RPS6KC1: variants seen among roughly 807,000 people sequenced by gnomAD.
RPS6KC1 encodes inactive ribosomal protein S6 kinase delta-1.
A neutral mutation model predicts 103.8 loss-of-function variants in RPS6KC1; 54 were observed. That is an observed-to-expected ratio of 0.52 (90% CI 0.42 to 0.65). The LOEUF is 0.65. Ranked by LOEUF, RPS6KC1 falls within the 30% of genes least tolerant of loss-of-function variation. The pLI, the probability that RPS6KC1 is intolerant of heterozygous loss-of-function variation, is 0.00. For synonymous variants in RPS6KC1, 439 were observed against 438.7 expected, an observed-to-expected ratio of 1.00 and a Z score of -0.01; for missense variants, 1,151 against 1,253.8, an observed-to-expected ratio of 0.92 and a Z score of 1.24.
chr1:213,685,026 C>T, the RPS6KC1 span, among the ~76,000 whole-genome samples: 1 of 152,162 alleles, frequency 6.6e-6, no homozygotes, highest in African/African-American at 2.4e-5. Context: ...AACTAATTCA[C>T]CCCACCCTCT....
At chr1:213,086,861 T>C (rs902306571) in intron 3 of RPS6KC1, among the ~76,000 whole-genome samples, 7 of 152,180 alleles carry the variant, frequency 4.6e-5, no homozygotes, top group Non-Finnish European at 1.0e-4. Flanking sequence ...TAGATATACA[T>C]ATATTTTAGA....
chr1:213,551,283 C>T, the RPS6KC1 span, among the ~76,000 whole-genome samples: 3 of 152,152 alleles, frequency 2.0e-5, no homozygotes, highest in Admixed American at 2.0e-4. Flanking sequence ...CTGGCAAGGA[C>T]ATAGGCTGTT....
At chr1:213,092,904 T>C (rs1424148947) in intron 3 of RPS6KC1, among the ~76,000 whole-genome samples, 1 of 152,162 alleles carries the variant, frequency 6.6e-6, no homozygotes, top group Admixed American at 6.5e-5. Flanking sequence ...ATTTAACACA[T>C]TTATCTTTAA....
At chr1:213,548,614 T>A in the RPS6KC1 span, among the ~76,000 whole-genome samples, 3 of 152,132 alleles carry the variant, frequency 2.0e-5, no homozygotes, top group Non-Finnish European at 4.4e-5. Flanking sequence ...TCAGCCTAGA[T>A]CGTGCCACTG....
chr1:213,193,167 T>C (rs917029232), intron 8 of RPS6KC1, among the ~76,000 whole-genome samples: 3 of 152,200 alleles, frequency 2.0e-5, no homozygotes, highest in African/African-American at 7.2e-5. Context: ...AAGAATGTAT[T>C]TTCTATAGCC....
At chr1:213,059,765 C>T (rs1366296057) in intron 1 of RPS6KC1, among the ~76,000 whole-genome samples, 14 of 152,158 alleles carry the variant, frequency 9.2e-5, no homozygotes, top group African/African-American at 3.1e-4. Context: ...CTCTGCCTCC[C>T]GGGTTCAAGC....
At chr1:213,451,365 A>T in the RPS6KC1 span, among the ~76,000 whole-genome samples, 1 of 152,214 alleles carries the variant, frequency 6.6e-6, no homozygotes. Context: ...TTAAGCAAAG[A>T]TTCCTGGTAG....
downstream of RPS6KC1, among the ~76,000 whole-genome samples, chr1:213,278,545 AG>A (rs1236350452): frequency 6.6e-6 from 1 of 152,222 alleles, no homozygotes; most frequent in Non-Finnish European, 1.5e-5. Flanking sequence ...TAAATGACTA[AG>A]AAAACTTCTT....
the RPS6KC1 span, among the ~76,000 whole-genome samples, chr1:213,655,759 A>T: frequency 6.6e-6 from 1 of 152,324 alleles, no homozygotes; most frequent in East Asian, 1.9e-4. Flanking sequence ...ATATATACTG[A>T]ATATTTCTAT....
chr1:213,366,116 C>A, the RPS6KC1 span, among the ~76,000 whole-genome samples: 1 of 152,238 alleles, frequency 6.6e-6, no homozygotes, highest in Admixed American at 6.5e-5. Context: ...TCTCTCCCTG[C>A]TTGTCCATCT....
the RPS6KC1 span, among the ~76,000 whole-genome samples, chr1:213,700,472 T>C: frequency 1.3e-5 from 2 of 151,982 alleles, no homozygotes; most frequent in African/African-American, 4.8e-5. Context: ...AGTCAGGTAA[T>C]GTGATCCCTA....
chr1:213,333,882 A>G, the RPS6KC1 span, among the ~76,000 whole-genome samples: 7 of 152,236 alleles, frequency 4.6e-5, no homozygotes, highest in African/African-American at 1.7e-4. Context: ...GGCTTTCACA[A>G]TGTTGGCCAG....
chr1:213,345,384 C>T, the RPS6KC1 span, among the ~76,000 whole-genome samples: 2 of 152,146 alleles, frequency 1.3e-5, no homozygotes, highest in Non-Finnish European at 1.5e-5. Flanking sequence ...TCCTTTGAGT[C>T]TGTCTTTATC....
chr1:213,301,246 T>G, the RPS6KC1 span, among the ~76,000 whole-genome samples: 7 of 152,338 alleles, frequency 4.6e-5, no homozygotes, highest in East Asian at 1.3e-3. Flanking sequence ...AAAGCAGAGA[T>G]AGCCTAATAT....
intron 12 of RPS6KC1, among the ~76,000 whole-genome samples, chr1:213,246,670 C>T (rs577880888): frequency 1.3e-5 from 2 of 151,930 alleles, no homozygotes; most frequent in South Asian, 2.1e-4. Flanking sequence ...AATAAAATGT[C>T]AAAGTACTTT....
chr1:213,162,754 G>T (rs1209437047), intron 6 of RPS6KC1, among the ~76,000 whole-genome samples: 1 of 152,164 alleles, frequency 6.6e-6, no homozygotes, highest in Non-Finnish European at 1.5e-5. Flanking sequence ...TTTTCAGTTA[G>T]TGTTACTGAT....
chr1:213,850,358 T>A, the RPS6KC1 span, among the ~76,000 whole-genome samples: 1 of 152,212 alleles, frequency 6.6e-6, no homozygotes, highest in African/African-American at 2.4e-5. Flanking sequence ...ACCAGGACAC[T>A]GTGTGTTTTA....
chr1:213,597,327 TGCA>T, the RPS6KC1 span, among the ~76,000 whole-genome samples: 1 of 152,172 alleles, frequency 6.6e-6, no homozygotes, highest in Non-Finnish European at 1.5e-5. Flanking sequence ...CAGGTTGGTG[TGCA>T]GGGGCGAGGC....
chr1:213,174,622 A>C (rs531341446), intron 7 of RPS6KC1, among the ~76,000 whole-genome samples: 2 of 145,466 alleles, frequency 1.4e-5, no homozygotes, highest in South Asian at 4.6e-4. Context: ...GTGAGCCAAG[A>C]TTGAGCCGCT....
Sources: gnomAD v4.1 joint callset for allele counts (sites outside exome capture counted in the v4.1 genomes callset) on GRCh38, gnomAD v4.1.1 for gene constraint, MANE v1.5 for transcripts, NCBI Gene and HGNC (gene_info 2026-07-23, HGNC 2026-07-21) for gene names.